TNRC6C: variants seen among roughly 807,000 people sequenced by gnomAD.
TNRC6C encodes trinucleotide repeat containing adaptor 6C.
A neutral mutation model predicts 153.7 loss-of-function variants in TNRC6C; 20 were observed. The observed-to-expected ratio is 0.13, with a 90% confidence interval of 0.09 to 0.19. The LOEUF is 0.19. Among genes scored for constraint, TNRC6C ranks in the 10% least tolerant of loss-of-function variants. The pLI is 1.00. For missense variants in TNRC6C, 1,987 were observed against 2,172.0 expected, an observed-to-expected ratio of 0.91 and a Z score of 1.69; for synonymous variants, 811 against 841.4, an observed-to-expected ratio of 0.96 and a Z score of 0.63.
intron 1 of TNRC6C, among the ~76,000 whole-genome samples, chr17:78,028,711 A>C (rs1364624302): frequency 6.6e-6 from 1 of 152,224 alleles, no homozygotes; most frequent in African/African-American, 2.4e-5. Context: ...ATGTTGACTT[A>C]AAATATTTTT....
intron 2 of TNRC6C, among the ~76,000 whole-genome samples, chr17:78,044,688 T>C (rs1051532744): frequency 2.6e-5 from 4 of 152,238 alleles, no homozygotes. Flanking sequence ...TAAAGTTTTG[T>C]TGGCACACAG....
intron 13 of TNRC6C, among the ~76,000 whole-genome samples, chr17:78,090,722 A>G (rs2073378438): frequency 6.6e-6 from 1 of 152,228 alleles, no homozygotes; most frequent in Non-Finnish European, 1.5e-5. Flanking sequence ...GAATGAGCCC[A>G]GAAGCCTCAG....
Position 77,974,241 on chromosome 17 carries a change from G to A in TNRC6C, c.-38+14973G>A, listed in dbSNP as rs113907998. On this transcript the variant is annotated intron_variant, in intron 1 of 22. Transcript: ENST00000636222. Reference sequence around the variant, plus strand: ...CAAAGTACCCAATTTTAAAATGGGCGAAGGATTTCAATACACATGTCACCA... The same window carrying A: ...CAAAGTACCCAATTTTAAAATGGGCAAAGGATTTCAATACACATGTCACCA... 5.9e-5 allele frequency among the ~76,000 whole-genome samples: 9 copies of A among 152,226 alleles called. No homozygotes were observed. The South Asian group carries it at 1.7e-3, about 28-fold the overall frequency.
At chr17:78,081,803 G>A (rs1024328372) in intron 10 of TNRC6C, among the ~76,000 whole-genome samples, 2 of 152,270 alleles carry the variant, frequency 1.3e-5, no homozygotes, top group South Asian at 4.1e-4. Flanking sequence ...AAACCAGCAT[G>A]TCCCAAATGG....
chr17:78,012,659 A>G (rs2071656679), intron 1 of TNRC6C, among the ~76,000 whole-genome samples: 1 of 152,302 alleles, frequency 6.6e-6, no homozygotes, highest in African/African-American at 2.4e-5. Flanking sequence ...TAAGCATTTC[A>G]TGGCCAGTGG....
intron 11 of TNRC6C, among the ~76,000 whole-genome samples, 175 bp from the exon 14 acceptor site, chr17:78,086,328 T>TAAAAAAAAA (rs58348772): frequency 9.4e-5 from 5 of 53,324 alleles, no homozygotes; most frequent in South Asian, 1.4e-3. Context: ...AGACTCCATC[T>TAAAAAAAAA]AAAAAAAAAA....
At chr17:78,050,018 G>A (rs772857130) in exon 3 of TNRC6C, 28 of 1,613,514 alleles carry the variant, frequency 1.7e-5, no homozygotes, top group Middle Eastern at 1.6e-4. Flanking sequence ...GGCAACAATG[G>A]CGTTGGTAAT....
At chr17:78,029,959 A>G (rs1173498056) in intron 1 of TNRC6C, among the ~76,000 whole-genome samples, 1 of 152,080 alleles carries the variant, frequency 6.6e-6, no homozygotes, top group Non-Finnish European at 1.5e-5. Flanking sequence ...TGACTTCTGG[A>G]TATCTCCTGA....
chr17:78,036,266 G>T (rs1040031859), intron 2 of TNRC6C, among the ~76,000 whole-genome samples: 2 of 152,214 alleles, frequency 1.3e-5, no homozygotes, highest in African/African-American at 4.8e-5. Flanking sequence ...GAAAACTAAA[G>T]AAAGTGAAGT....
At chr17:78,093,805 CT>C in intron 16 of TNRC6C, 42 bp downstream of exon 18, 1 of 1,609,696 alleles carries the variant, frequency 6.2e-7, no homozygotes, top group East Asian at 2.2e-5. Context: ...GACGGTCTCT[CT>C]AGACCCATTT....
intron 1 of TNRC6C, among the ~76,000 whole-genome samples, chr17:77,962,475 G>A (rs905231825): frequency 2.0e-5 from 3 of 152,196 alleles, no homozygotes; most frequent in Non-Finnish European, 2.9e-5. Context: ...TTTGGGGATA[G>A]AGCAAGCAAA....
chr17:77,983,255 A>T (rs190848103), intron 1 of TNRC6C, among the ~76,000 whole-genome samples: 8 of 152,312 alleles, frequency 5.3e-5, no homozygotes, highest in African/African-American at 1.9e-4. Context: ...CCAATAGGGA[A>T]TGTTACTACC....
At chr17:78,092,371 T>A (rs570507322) in intron 14 of TNRC6C, among the ~76,000 whole-genome samples, 1 of 152,326 alleles carries the variant, frequency 6.6e-6, no homozygotes, top group South Asian at 2.1e-4. Flanking sequence ...ACATCCACTG[T>A]GTTCTTCCGT....
At position 78,103,347 on chromosome 17, in the gene TNRC6C, C is replaced by T; in HGVS notation, c.4573-67C>T. On this transcript the variant is annotated intron_variant, in intron 18 of 19. Coordinates refer to ENST00000301624, the Ensembl canonical transcript of TNRC6C. ...GTGTATCCAATTTCATACGTTTTTT[C>T]TTTGGAAGGCTGTAGTGAAAGAAAT... 27 of 1,572,764 alleles carry T rather than the reference C, an allele frequency of 1.7e-5. No homozygotes were observed. In the Admixed American group the frequency reaches 2.0e-4, roughly 12 times the overall value.
upstream of TNRC6C, among the ~76,000 whole-genome samples, chr17:78,001,703 G>T (rs2071415204): frequency 6.6e-6 from 1 of 152,060 alleles, no homozygotes; most frequent in Non-Finnish European, 1.5e-5. Flanking sequence ...AAATGTTTAA[G>T]TATATATGTT....
At position 78,077,466 on chromosome 17, in the gene TNRC6C, A is replaced by G. The variant is rs1045193289; in HGVS notation, c.3210+132A>G. On this transcript the variant is annotated intron_variant, in intron 9 of 19. Transcript: ENST00000301624. ...AAATGTGACTGAAAAAGTAGTTGAAATACTACCAGGATTTCCCTTCAGGTG... is the reference window on the plus strand; with the variant it reads ...AAATGTGACTGAAAAAGTAGTTGAAGTACTACCAGGATTTCCCTTCAGGTG... 2.5e-6 allele frequency: 3 copies of G among 1,198,090 alleles called. No homozygotes were observed. The African/African-American group carries it at 4.5e-5, about 18-fold the overall frequency. The allele number at this position is 1,198,090 out of a possible 1,614,324, so 74.2% of individuals were successfully genotyped here.
At chr17:78,008,440 C>G (rs1444657030) in intron 1 of TNRC6C, 1 of 152,200 alleles carries the variant, frequency 6.6e-6, no homozygotes, top group Non-Finnish European at 1.5e-5. Flanking sequence ...CCCATCCTAC[C>G]CTGATGTGAT....
In TNRC6C at chr17:78,104,636, T is replaced by C; in HGVS notation, c.4864T>C (p.Ser1622Pro). 1 of 1,547,358 alleles carries C rather than the reference T, an allele frequency of 6.5e-7. No individual in the cohort carries two copies. Among genetic ancestry groups the C allele is most frequent in the Non-Finnish European group, 8.7e-7 (1 of 1,146,726 alleles). The change falls in exon 20 of 20, where the codon TCC becomes CCC. Residue 1622 changes from serine (S) to proline (P), a missense_variant. This residue lies in a region of TNRC6C where 139 missense variants were observed against 148.5 expected (regional missense o/e 0.94). Transcript: ENST00000301624. The surrounding 1 kb of genome is among the most constrained non-coding windows in gnomAD (Gnocchi z 6.2). ...GCCGCGGCTCAGCGCAGCGGGCAGCTCCCATGGCCTGGTACGCAGCGACGC... is the reference window on the plus strand; with the variant it reads ...GCCGCGGCTCAGCGCAGCGGGCAGCCCCCATGGCCTGGTACGCAGCGACGC...
chr17:78,104,467 C>G lies in TNRC6C; in HGVS notation c.4713-18C>G, dbSNP rs1258855443. Reference sequence around the variant, plus strand: ...ACTTGGGGTGGCCCTGTTCACGTGCCCCATCTTGCTGTTGCAGGTGCGTCC... The same window carrying G: ...ACTTGGGGTGGCCCTGTTCACGTGCGCCATCTTGCTGTTGCAGGTGCGTCC... On this transcript the variant is annotated intron_variant, in intron 19 of 19. Coordinates refer to ENST00000301624, the Ensembl canonical transcript of TNRC6C. The surrounding 1 kb of genome is among the most constrained non-coding windows in gnomAD (Gnocchi z 6.2). 1.4e-6 allele frequency: 2 copies of G among 1,476,098 alleles called. No homozygotes were observed. Among genetic ancestry groups the G allele is most frequent in the Non-Finnish European group, 1.8e-6 (2 of 1,110,342 alleles). The allele number at this position is 1,476,098 out of a possible 1,614,324, so 91.4% of individuals were successfully genotyped here. A position where few individuals can be genotyped will look rare whatever the true frequency, so the allele number is the denominator to read the frequency against.
Sources: allele counts gnomAD v4.1 joint callset (sites outside exome capture counted in the v4.1 genomes callset), GRCh38; gene constraint gnomAD v4.1.1; regional missense constraint gnomAD v4.1.1; non-coding constraint Gnocchi (gnomAD v3.1); transcripts MANE v1.5; gene names NCBI Gene and HGNC (gene_info 2026-07-23, HGNC 2026-07-21).